FRMD6: variants seen among roughly 807,000 people sequenced by gnomAD.
FRMD6 encodes the protein FERM domain-containing protein 6.
In FRMD6, 37 loss-of-function variants were observed where a neutral mutation model predicts 73.2. The ratio of observed to expected loss-of-function variants is 0.51; its 90% confidence interval spans 0.39 to 0.66. The LOEUF (loss-of-function observed/expected upper bound fraction) is 0.66. Among genes scored for constraint, FRMD6 ranks in the 30% least tolerant of loss-of-function variants. The pLI, the probability that FRMD6 is intolerant of heterozygous loss-of-function variation, is 0.00. For synonymous variants in FRMD6, 273 were observed against 282.2 expected (o/e 0.97, Z 0.33); for missense variants, 714 against 780.5 (o/e 0.91, Z 1.02).
At chr14:51,696,685 G>A (rs773075389) in intron 2 of FRMD6, among the ~76,000 whole-genome samples, 5 of 151,086 alleles carry the variant, frequency 3.3e-5, no homozygotes, top group Non-Finnish European at 7.4e-5. Flanking sequence ...GCCAAGATGG[G>A]AGGATTGCTT....
At chr14:51,681,982 T>C (rs1458809194) in intron 1 of FRMD6, among the ~76,000 whole-genome samples, 2 of 152,178 alleles carry the variant, frequency 1.3e-5, no homozygotes, top group African/African-American at 2.4e-5. Flanking sequence ...TCTGCGTGAT[T>C]CTGTAAAACA....
rs1882951781 is a variant in FRMD6 at position 51,490,725 on chromosome 14, T to C, written c.-210+1305T>C. ...GACAACCGCAGAGTTTTAGTGCAGT[T>C]ACCGTAGCAGAATTCTTAAGGTGGC... On this transcript the variant is annotated intron_variant, in intron 1 of 14. Transcript: ENST00000356218. 2.0e-5 allele frequency among the ~76,000 whole-genome samples: 3 copies of C among 152,112 alleles called. No individual in the cohort carries two copies. In the East Asian group the frequency reaches 5.8e-4, roughly 29 times the overall value.
intron 2 of FRMD6, among the ~76,000 whole-genome samples, chr14:51,587,943 T>C (rs1260718322): frequency 2.0e-5 from 3 of 151,830 alleles, no homozygotes; most frequent in African/African-American, 7.3e-5. Context: ...GGAAATGAAC[T>C]CCCCTGACCC....
At chr14:51,687,778 C>T (rs1206169966) in intron 1 of FRMD6, among the ~76,000 whole-genome samples, 1 of 152,098 alleles carries the variant, frequency 6.6e-6, no homozygotes, top group Non-Finnish European at 1.5e-5. Context: ...GGAATTCATA[C>T]CTTTGACAAT....
At chr14:51,433,588 T>G in the FRMD6 span, among the ~76,000 whole-genome samples, 1 of 152,184 alleles carries the variant, frequency 6.6e-6, no homozygotes, top group African/African-American at 2.4e-5. Flanking sequence ...GTTGTAAAAT[T>G]TATTAATTTT....
At chr14:51,579,363 T>G (rs1888583625) in intron 2 of FRMD6, 2 of 152,152 alleles carry the variant, frequency 1.3e-5, no homozygotes, top group Admixed American at 1.3e-4. Flanking sequence ...CTCACCTCAC[T>G]TTACTCCCAC....
At chr14:51,484,420 T>G (rs1008962248), upstream of FRMD6, among the ~76,000 whole-genome samples, 11 of 152,132 alleles carry the variant, frequency 7.2e-5, no homozygotes, top group African/African-American at 1.7e-4. Context: ...AGTCACCCAG[T>G]GGAGACAGGG....
chr14:51,622,819 G>A (rs148727115), intron 2 of FRMD6, among the ~76,000 whole-genome samples: 48 of 152,320 alleles, frequency 3.2e-4, no homozygotes, highest in African/African-American at 1.1e-3. Context: ...AGGCTAGAGT[G>A]CAGTGGCACA....
chr14:51,707,854 C>T (rs1896716527), intron 6 of FRMD6, among the ~76,000 whole-genome samples: 1 of 152,090 alleles, frequency 6.6e-6, no homozygotes, highest in Non-Finnish European at 1.5e-5. Flanking sequence ...GATTTTTCTT[C>T]TTAGGTATTC....
At chr14:51,484,646 T>C (rs1882728592), upstream of FRMD6, among the ~76,000 whole-genome samples, 1 of 152,234 alleles carries the variant, frequency 6.6e-6, no homozygotes, top group South Asian at 2.1e-4. Flanking sequence ...CACTTCCATC[T>C]TCCAAATCTC....
chr14:51,585,961 A>ATATAT (rs1555324347), intron 2 of FRMD6, among the ~76,000 whole-genome samples: 7 of 56,268 alleles, frequency 1.2e-4, no homozygotes, highest in East Asian at 5.8e-4. Flanking sequence ...ATATATATAT[A>ATATAT]ACATTTTCTT....
chr14:51,413,223 A>G, the FRMD6 span, among the ~76,000 whole-genome samples: 83 of 152,226 alleles, frequency 5.5e-4, no homozygotes, highest in African/African-American at 1.3e-3. Flanking sequence ...GGTTTGTTAC[A>G]TAGGTATGCA....
the FRMD6 span, among the ~76,000 whole-genome samples, chr14:51,451,804 A>C: frequency 6.6e-6 from 1 of 152,246 alleles, no homozygotes; most frequent in Non-Finnish European, 1.5e-5. Flanking sequence ...GATCTTCCTG[A>C]GGTCTTAACC....
At chr14:51,519,787 G>A (rs17661577) in intron 1 of FRMD6, among the ~76,000 whole-genome samples, 55,768 of 151,972 alleles carry the variant, frequency 0.37, 10,443 homozygotes, top group African/African-American at 0.43. Context: ...GAGACTCCTG[G>A]TAGCACAAAA....
chr14:51,562,833 A>G (rs2139521926), intron 1 of FRMD6, among the ~76,000 whole-genome samples: 1 of 152,342 alleles, frequency 6.6e-6, no homozygotes, highest in Middle Eastern at 3.4e-3. Flanking sequence ...CCCAAAACTT[A>G]GTGGCACAAA....
intron 2 of FRMD6, among the ~76,000 whole-genome samples, chr14:51,587,149 G>T (rs1889094419): frequency 6.6e-6 from 1 of 152,150 alleles, no homozygotes; most frequent in African/African-American, 2.4e-5. Context: ...TGTTGAATAG[G>T]GTGTCATTTT....
chr14:51,703,710 G>A (rs987374183), intron 5 of FRMD6, among the ~76,000 whole-genome samples: 3 of 152,018 alleles, frequency 2.0e-5, no homozygotes, highest in African/African-American at 7.2e-5. Flanking sequence ...GCTCTGAAAA[G>A]TACTCTGTCC....
chr14:51,406,326 T>C, the FRMD6 span, among the ~76,000 whole-genome samples: 1 of 152,032 alleles, frequency 6.6e-6, no homozygotes, highest in Non-Finnish European at 1.5e-5. Flanking sequence ...TTTTGGTTCC[T>C]TAAGAATTTT....
intron 2 of FRMD6, among the ~76,000 whole-genome samples, chr14:51,643,248 G>C (rs1891891110): frequency 6.6e-6 from 1 of 152,166 alleles, no homozygotes; most frequent in African/African-American, 2.4e-5. Flanking sequence ...AGGCTCGGTT[G>C]ACCATTGAGA....
Sources: allele counts gnomAD v4.1 joint callset (sites outside exome capture counted in the v4.1 genomes callset), GRCh38; gene constraint gnomAD v4.1.1; transcripts MANE v1.5; gene names NCBI Gene and HGNC (gene_info 2026-07-23, HGNC 2026-07-21).